ARFGEF2: variants seen among roughly 807,000 people sequenced by gnomAD.
The protein encoded by ARFGEF2 is brefeldin A-inhibited guanine nucleotide-exchange protein 2.
A neutral mutation model predicts 219.9 loss-of-function variants in ARFGEF2; 74 were observed. That is an observed-to-expected ratio of 0.34 (90% CI 0.28 to 0.41). The LOEUF is 0.41. Among genes scored for constraint, ARFGEF2 ranks in the 10% least tolerant of loss-of-function variants. ARFGEF2 has a pLI of 1.00. For missense variants in ARFGEF2, 1,743 were observed against 2,218.3 expected, an observed-to-expected ratio of 0.79 and a Z score of 4.30; for synonymous variants, 733 against 799.2, an observed-to-expected ratio of 0.92 and a Z score of 1.40.
chr20:49,031,909 C>A, intron 37 of ARFGEF2, 140 bp from the exon 38 acceptor site: 4 of 739,088 alleles, frequency 5.4e-6, no homozygotes, highest in South Asian at 3.0e-5. Flanking sequence ...CAGAGCAAGA[C>A]CCTGTCTCAA....
chr20:49,017,477 T>C lies in ARFGEF2; in HGVS notation c.4455-19T>C. On this transcript the variant is annotated intron_variant, in intron 32 of 38. Coordinates refer to ENST00000371917, the MANE Select transcript of ARFGEF2 (RefSeq NM_006420.3). ...TGCCTTTCACATTGATTATTTTTTT[T>C]CTCTATTTTTTTCTTCAGTTTGCTG... is the stretch of plus-strand genomic sequence containing the variant. 1 of 1,613,120 alleles carries C rather than the reference T, an allele frequency of 6.2e-7. No individual in the cohort carries two copies.
At position 48,989,880 on chromosome 20, in the gene ARFGEF2, T is replaced by C. The variant is rs186676704; in HGVS notation, c.2814+196T>C. Among the ~76,000 whole-genome samples, 23 of 152,320 alleles carry C rather than the reference T, an allele frequency of 1.5e-4. No homozygotes were observed. The East Asian group carries it at 4.2e-3, about 28-fold the overall frequency. ...CAAAAATGGAGATACGGATTAAAAC[T>C]GTCTTTAAGAATGGGTAGGCTGGGC... On this transcript the variant is annotated intron_variant, in intron 20 of 38. Transcript: ENST00000371917.
At chr20:48,958,021 G>C (rs1371565109) in intron 6 of ARFGEF2, among the ~76,000 whole-genome samples, 1 of 152,154 alleles carries the variant, frequency 6.6e-6, no homozygotes, top group Non-Finnish European at 1.5e-5. Flanking sequence ...CCTTAGGAAT[G>C]AAAGATAGTG....
intron 6 of ARFGEF2, among the ~76,000 whole-genome samples, chr20:48,962,337 A>C (rs2091158457): frequency 6.6e-6 from 1 of 152,220 alleles, no homozygotes; most frequent in Non-Finnish European, 1.5e-5. Context: ...ATAAGTAATA[A>C]GTTGTGCTGT....
At chr20:48,950,738 GT>G (rs2091060700) in intron 3 of ARFGEF2, among the ~76,000 whole-genome samples, 1 of 142,350 alleles carries the variant, frequency 7.0e-6, no homozygotes. Context: ...GGAGGCATCA[GT>G]GAGCCATGAC....
rs2091661675 is a variant in ARFGEF2 at position 49,035,552 on chromosome 20, T to C, written c.*2353T>C. 6.6e-6 allele frequency: 1 copy of C among 152,238 alleles called. No homozygotes were observed. The highest frequency in any genetic ancestry group is 1.5e-5 in the Non-Finnish European group (1 of 68,046). 9.4% of individuals were successfully genotyped at this position (152,238 alleles called of 1,614,324 possible). On this transcript the variant is annotated 3_prime_UTR_variant, in exon 39 of 39. Transcript: ENST00000371917. ...AATTCATTTTTATGAATAAATCTCT[T>C]CTTTCTCATGGTAAATGTGGCTTGT...
chr20:48,936,015 A>AG (rs1229334377), intron 1 of ARFGEF2, among the ~76,000 whole-genome samples: 1 of 118,318 alleles, frequency 8.5e-6, no homozygotes, highest in Non-Finnish European at 1.7e-5. Flanking sequence ...ACTTCCCAGT[A>AG]GGGGCGGCCG....
At chr20:48,966,956 G>T (rs934933892) in intron 8 of ARFGEF2, among the ~76,000 whole-genome samples, 3 of 152,070 alleles carry the variant, frequency 2.0e-5, no homozygotes, top group Admixed American at 2.0e-4. Flanking sequence ...AAATGATCCT[G>T]CCACTTCAGC....
chr20:48,955,390 T>TC (rs1433889993), intron 6 of ARFGEF2, among the ~76,000 whole-genome samples: 4 of 152,274 alleles, frequency 2.6e-5, no homozygotes, highest in Non-Finnish European at 5.9e-5. Context: ...TTTATTTTTT[T>TC]CCATAGTACT....
intron 1 of ARFGEF2, among the ~76,000 whole-genome samples, chr20:48,930,144 A>G (rs2090904019): frequency 6.6e-6 from 1 of 152,238 alleles, no homozygotes; most frequent in South Asian, 2.1e-4. Context: ...TCACAGTCCA[A>G]GAGCATGGCA....
At chr20:48,976,823 T>G (rs915158679) in intron 14 of ARFGEF2, among the ~76,000 whole-genome samples, 1 of 152,108 alleles carries the variant, frequency 6.6e-6, no homozygotes, top group African/African-American at 2.4e-5. Context: ...CAACAAAAAA[T>G]TACTGCCTGA....
At chr20:49,015,132 T>G (rs988889502) in intron 30 of ARFGEF2, among the ~76,000 whole-genome samples, 3 of 152,246 alleles carry the variant, frequency 2.0e-5, no homozygotes, top group African/African-American at 4.8e-5. Flanking sequence ...TTCGTTTTTT[T>G]GAGACAGAGT....
chr20:49,026,058 G>A (rs2091600100), intron 36 of ARFGEF2, among the ~76,000 whole-genome samples: 1 of 152,074 alleles, frequency 6.6e-6, no homozygotes, highest in South Asian at 2.1e-4. Context: ...TTATGGGCTG[G>A]GTGCGGTGGC....
At chr20:48,958,722 G>A (rs1312956957) in intron 6 of ARFGEF2, among the ~76,000 whole-genome samples, 1 of 152,132 alleles carries the variant, frequency 6.6e-6, no homozygotes, top group Non-Finnish European at 1.5e-5. Context: ...GATTACAGGT[G>A]TGAGCCACCG....
chr20:49,007,537 C>T lies in ARFGEF2; in HGVS notation c.3584+2316C>T, dbSNP rs141628368. 7.7e-3 allele frequency among the ~76,000 whole-genome samples: 1,158 copies of T among 150,902 alleles called. 17 individuals carry two copies. The highest frequency in any genetic ancestry group is 0.026 in the African/African-American group (1,063 of 41,138). ...CCCCTGACCTCAAGTGATCCACCTG[C>T]CTTGGCCTCCCAAAGTGCTGGGATT... On this transcript the variant is annotated intron_variant, in intron 26 of 38. Coordinates refer to ENST00000371917, the MANE Select transcript of ARFGEF2 (RefSeq NM_006420.3).
chr20:48,996,737 C>T (rs1204101562), intron 23 of ARFGEF2, among the ~76,000 whole-genome samples: 3 of 128,458 alleles, frequency 2.3e-5, no homozygotes, highest in East Asian at 2.5e-4. Context: ...AACGAGACTC[C>T]GTCTAAAAAA....
intron 25 of ARFGEF2, chr20:48,999,287 C>T (rs1369296182): frequency 4.5e-6 from 2 of 443,794 alleles, no homozygotes; most frequent in Non-Finnish European, 9.0e-6. Flanking sequence ...GCCAAAGACC[C>T]ATCTGGGTTC....
At chr20:49,005,606 C>T (rs1410773005) in intron 26 of ARFGEF2, among the ~76,000 whole-genome samples, 2 of 151,586 alleles carry the variant, frequency 1.3e-5, no homozygotes, top group African/African-American at 2.4e-5. Context: ...GGCATGGTGG[C>T]GGGCGCCTAT....
At chr20:49,012,184 G>A in intron 28 of ARFGEF2, 100 bp downstream of exon 28, 1 of 1,507,826 alleles carries the variant, frequency 6.6e-7, no homozygotes, top group Non-Finnish European at 9.2e-7. Flanking sequence ...TACTCTTTTA[G>A]AAATGTGTGT....
Sources: gnomAD v4.1 joint callset for allele counts (sites outside exome capture counted in the v4.1 genomes callset) on GRCh38, gnomAD v4.1.1 for gene constraint, MANE v1.5 for transcripts, NCBI Gene and HGNC (gene_info 2026-07-23, HGNC 2026-07-21) for gene names.